TBX15: variants seen among roughly 807,000 people sequenced by gnomAD.
TBX15 encodes T-box transcription factor 15.
In TBX15, 18 loss-of-function variants were observed where a neutral mutation model predicts 53.9. The ratio of observed to expected loss-of-function variants is 0.33; its 90% CI spans 0.23 to 0.49. TBX15 has a LOEUF of 0.49. Ranked by LOEUF, TBX15 falls within the 20% of genes least tolerant of loss-of-function variation. The pLI, the probability that TBX15 is intolerant of heterozygous loss-of-function variation, is 0.98. For synonymous variants in TBX15, 295 were observed against 278.0 expected (o/e 1.06, Z -0.61); for missense variants, 692 against 749.5 (o/e 0.92, Z 0.90).
At chr1:118,924,908 G>C in intron 3 of TBX15, 91 bp from the exon 4 acceptor site, 6 of 1,371,132 alleles carry the variant, frequency 4.4e-6, no homozygotes, top group Non-Finnish European at 5.2e-6. Flanking sequence ...GGAAAGGAGA[G>C]AAAAACAAAG....
rs879291100 is a variant in TBX15 at position 118,893,466 on chromosome 1, AAAGG to A, written c.1024+5558_1024+5561del. On this transcript the variant is annotated intron_variant, in intron 7 of 7. Transcript: ENST00000369429. ...GAAGGAAAGAAGGAAGGAAGGAAAGAAAGGAAGGAAGGAAGGAAGGAAAGAAAGA... is the reference window on the plus strand; with the variant it reads ...GAAGGAAAGAAGGAAGGAAGGAAAGAAAGGAAGGAAGGAAGGAAAGAAAGA... 2.4e-3 allele frequency among the ~76,000 whole-genome samples: 232 copies of A among 97,236 alleles called. 2 individuals are homozygous for A. The highest frequency in any genetic ancestry group is 3.0e-3 in the Non-Finnish European group (155 of 51,500). The allele number at this position is 97,236 out of a possible 152,430, so 63.8% of individuals were successfully genotyped here.
chr1:118,952,015 A>G lies in TBX15; in HGVS notation c.206-20183T>C, dbSNP rs200408855. 5.9e-5 allele frequency among the ~76,000 whole-genome samples: 9 copies of G among 151,972 alleles called. No individual in the cohort carries two copies. In the East Asian group the frequency reaches 1.4e-3, roughly 23 times the overall value. On this transcript the variant is annotated intron_variant, in intron 1 of 7. Coordinates refer to ENST00000369429, the MANE Select transcript of TBX15 (RefSeq NM_001330677.2). ...ATTTGAACTGTGCAGGTCCACTTAT[A>G]TGTAGATCTTCTTTTGCCTTTGTCA...
At chr1:118,925,145 T>A (rs1035227916) in intron 3 of TBX15, among the ~76,000 whole-genome samples, 2 of 152,236 alleles carry the variant, frequency 1.3e-5, no homozygotes, top group African/African-American at 4.8e-5. Context: ...CACCCCTGTG[T>A]GCACACATGC....
chr1:118,909,282 G>A (rs973499500), intron 6 of TBX15, among the ~76,000 whole-genome samples: 1 of 152,216 alleles, frequency 6.6e-6, no homozygotes, highest in Non-Finnish European at 1.5e-5. Context: ...GGTGTTTGGG[G>A]GTTGTGGCAT....
chr1:118,952,250 A>G (rs1030279178), intron 1 of TBX15, among the ~76,000 whole-genome samples: 3 of 152,288 alleles, frequency 2.0e-5, no homozygotes, highest in African/African-American at 7.2e-5. Context: ...CAAAATATGT[A>G]TTAACCAGCT....
At chr1:118,898,983 T>C (rs1463757623) in intron 7 of TBX15, 45 bp downstream of exon 7, 5 of 1,591,120 alleles carry the variant, frequency 3.1e-6, no homozygotes, top group Non-Finnish European at 3.4e-6. Flanking sequence ...TCCCACTCTG[T>C]CCCTGGCCCT....
intron 1 of TBX15, among the ~76,000 whole-genome samples, chr1:118,933,141 C>T (rs546280001): frequency 1.1e-4 from 17 of 152,278 alleles, no homozygotes; most frequent in African/African-American, 4.1e-4. Context: ...GTGAAAGATA[C>T]ACCCCATTGT....
In TBX15 at chr1:118,950,799, A is replaced by C. The variant is rs903541650; in HGVS notation, c.206-18967T>G. Among the ~76,000 whole-genome samples, 3 of 152,352 alleles carry C rather than the reference A, an allele frequency of 2.0e-5. No homozygotes were observed. In the East Asian group the frequency reaches 5.8e-4, roughly 29 times the overall value. ...AAAAAGGAAGAAAAAAACCAGCTTC[A>C]GTTCTCAAGCTTGCCAGTATAAAAG... On this transcript the variant is annotated intron_variant, in intron 1 of 7. Coordinates refer to ENST00000369429, the MANE Select transcript of TBX15 (RefSeq NM_001330677.2).
intron 1 of TBX15, among the ~76,000 whole-genome samples, chr1:118,944,058 A>G (rs1656269653): frequency 6.6e-6 from 1 of 152,170 alleles, no homozygotes; most frequent in African/African-American, 2.4e-5. Flanking sequence ...AATCATTGAG[A>G]GTGAAATCAT....
intron 5 of TBX15, 41 bp from the exon 6 acceptor site, chr1:118,914,220 C>T (rs1452561313): frequency 6.3e-7 from 1 of 1,575,232 alleles, no homozygotes; most frequent in Non-Finnish European, 8.7e-7. Context: ...TTTATATTAA[C>T]TGATTTCTTT....
chr1:118,944,212 G>A (rs1043167777), intron 1 of TBX15, among the ~76,000 whole-genome samples: 1 of 152,100 alleles, frequency 6.6e-6, no homozygotes, highest in Admixed American at 6.6e-5. Context: ...TTCCTCTAAA[G>A]CTCTTCCCAA....
At chr1:118,916,197 C>T (rs921419373) in intron 5 of TBX15, among the ~76,000 whole-genome samples, 2 of 152,036 alleles carry the variant, frequency 1.3e-5, no homozygotes, top group African/African-American at 4.8e-5. Flanking sequence ...CAGATGTGCA[C>T]TAACAATTAC....
chr1:118,946,208 T>C (rs1656343373), intron 1 of TBX15, among the ~76,000 whole-genome samples: 1 of 152,276 alleles, frequency 6.6e-6, no homozygotes, highest in African/African-American at 2.4e-5. Flanking sequence ...CTTGCTATAC[T>C]TGTACATTTT....
intron 6 of TBX15, among the ~76,000 whole-genome samples, chr1:118,899,778 C>T (rs1654560567): frequency 6.6e-6 from 1 of 152,188 alleles, no homozygotes. Context: ...TCCAAATATT[C>T]ATCTGCATTT....
intron 2 of TBX15, 21 bp from the exon 3 acceptor site, chr1:118,926,632 G>A: frequency 6.2e-7 from 1 of 1,601,196 alleles, no homozygotes; most frequent in South Asian, 1.1e-5. Flanking sequence ...GAATAAAACA[G>A]AAAGCTCAGA....
intron 1 of TBX15, among the ~76,000 whole-genome samples, chr1:118,933,937 T>C (rs184846267): frequency 1.3e-5 from 2 of 152,230 alleles, no homozygotes; most frequent in Admixed American, 1.3e-4. Context: ...TTTGGACATA[T>C]GATTTCTCCA....
At chr1:118,972,779 T>C (rs185252539) in intron 1 of TBX15, among the ~76,000 whole-genome samples, 1 of 152,216 alleles carries the variant, frequency 6.6e-6, no homozygotes, top group Non-Finnish European at 1.5e-5. Context: ...TTTGTATTTT[T>C]AGTAGAGATG....
chr1:118,898,146 A>C (rs919796380), intron 7 of TBX15, among the ~76,000 whole-genome samples: 2 of 152,210 alleles, frequency 1.3e-5, no homozygotes, highest in Admixed American at 1.3e-4. Flanking sequence ...GACTTGACCA[A>C]GGTCACAAAG....
In TBX15 at chr1:118,898,992, C is replaced by T. The variant is rs756141970; in HGVS notation, c.1024+36G>A. On this transcript the variant is annotated intron_variant, in intron 7 of 7. Coordinates refer to ENST00000369429, the MANE Select transcript of TBX15 (RefSeq NM_001330677.2). ...TTGAGCTCCCACTCTGTCCCTGGCC[C>T]TATCACTAAGCAGAGGCCTTGCTCC... The T allele has an allele frequency of 1.9e-6, 3 of 1,604,618 alleles. No individual in the cohort carries two copies. The South Asian group carries it at 3.3e-5, about 18-fold the overall frequency.
Sources: allele counts gnomAD v4.1 joint callset (sites outside exome capture counted in the v4.1 genomes callset), GRCh38; gene constraint gnomAD v4.1.1; transcripts MANE v1.5; gene names NCBI Gene and HGNC (gene_info 2026-07-23, HGNC 2026-07-21).